DPRX: variants seen among roughly 807,000 people sequenced by gnomAD.
DPRX encodes the protein divergent-paired related homeobox, also known as divergent paired-related homeobox.
A neutral mutation model predicts 8.4 loss-of-function variants in DPRX; 11 were observed. The observed-to-expected ratio is 1.31, with a 90% CI of 0.82 to 2.17. The LOEUF is 2.17. Ranked by LOEUF, DPRX falls within the 30% of genes most tolerant of loss-of-function variation. The pLI is 0.00. For synonymous variants in DPRX, 72 were observed against 87.0 expected (o/e 0.83, Z 0.96); for missense variants, 211 against 236.7 (o/e 0.89, Z 0.71).
the DPRX span, among the ~76,000 whole-genome samples, chr19:53,621,226 G>A: frequency 2.0e-5 from 3 of 151,912 alleles, no homozygotes; most frequent in Non-Finnish European, 2.9e-5. Flanking sequence ...CCAACCCCCC[G>A]GGTTCAAGCA....
chr19:53,629,141 A>G (rs1461836943), upstream of DPRX, among the ~76,000 whole-genome samples: 1 of 151,244 alleles, frequency 6.6e-6, no homozygotes, highest in African/African-American at 2.4e-5. Context: ...TGGTGAAACC[A>G]GGTCTCTACT....
the DPRX span, among the ~76,000 whole-genome samples, chr19:53,609,506 C>T: frequency 6.8e-5 from 9 of 132,924 alleles, no homozygotes; most frequent in Admixed American, 1.5e-4. Context: ...AACAACCAAA[C>T]CAGAAACAAA....
the DPRX span, chr19:53,606,608 G>T: frequency 6.5e-6 from 1 of 152,852 alleles, no homozygotes; most frequent in Non-Finnish European, 1.5e-5. The surrounding 1 kb of genome is among the most constrained non-coding windows in gnomAD (Gnocchi z 4.8). Flanking sequence ...GATGAAGATC[G>T]AGGTCACAGT....
At chr19:53,615,573 GC>G in the DPRX span, among the ~76,000 whole-genome samples, 12 of 152,156 alleles carry the variant, frequency 7.9e-5, no homozygotes, top group Non-Finnish European at 1.5e-4. Context: ...GAGCCACTGT[GC>G]CTGGCCCAGA....
At chr19:53,630,070 G>A (rs956503789), upstream of DPRX, 1 of 151,954 alleles carries the variant, frequency 6.6e-6, no homozygotes, top group Non-Finnish European at 1.5e-5. Context: ...AAAATTAGCT[G>A]GGCATGGTGG....
At chr19:53,605,337 C>A in the DPRX span, among the ~76,000 whole-genome samples, 1 of 151,946 alleles carries the variant, frequency 6.6e-6, no homozygotes, top group African/African-American at 2.4e-5. Context: ...CTCAGCCTCC[C>A]GAGTAGCTGG....
At chr19:53,627,341 C>T (rs1423663617), upstream of DPRX, among the ~76,000 whole-genome samples, 1 of 151,844 alleles carries the variant, frequency 6.6e-6, no homozygotes, top group Non-Finnish European at 1.5e-5. Context: ...TCACTGAGAA[C>T]ACTTAATTAA....
chr19:53,603,245 A>G, the DPRX span: 1 of 438,500 alleles, frequency 2.3e-6, no homozygotes. Context: ...AAGGGCCACC[A>G]CATCTTCACA....
At chr19:53,636,338 C>G (rs1321352433) in intron 2 of DPRX, among the ~76,000 whole-genome samples, 1 of 150,690 alleles carries the variant, frequency 6.6e-6, no homozygotes, top group East Asian at 2.0e-4. Flanking sequence ...TGAACTCCAG[C>G]CTGGGCGACA....
the DPRX span, chr19:53,602,267 GGT>G: frequency 0.078 from 21,466 of 276,088 alleles, 556 homozygotes; most frequent in African/African-American, 0.11. Flanking sequence ...TATGGGTATG[GGT>G]GTGTGTGTGT....
the DPRX span, among the ~76,000 whole-genome samples, chr19:53,614,581 C>A: frequency 6.6e-6 from 1 of 151,956 alleles, no homozygotes; most frequent in Non-Finnish European, 1.5e-5. Flanking sequence ...AAACAGAAGT[C>A]GTTAATTTTA....
At chr19:53,609,254 G>A in the DPRX span, among the ~76,000 whole-genome samples, 1 of 151,164 alleles carries the variant, frequency 6.6e-6, no homozygotes, top group African/African-American at 2.4e-5. Flanking sequence ...GATCCCTTGA[G>A]CTCAGGAGTT....
chr19:53,603,017 G>GTA, the DPRX span, among the ~76,000 whole-genome samples: 2 of 138,962 alleles, frequency 1.4e-5, no homozygotes, highest in African/African-American at 5.2e-5. Flanking sequence ...GTGTGTGTGT[G>GTA]TATATATGTG....
At chr19:53,610,793 C>G in the DPRX span, among the ~76,000 whole-genome samples, 1 of 152,078 alleles carries the variant, frequency 6.6e-6, no homozygotes, top group East Asian at 1.9e-4. Context: ...TATGTGTACC[C>G]GGAGACAATT....
At chr19:53,631,290 C>CTAAA (rs888529109), upstream of DPRX, among the ~76,000 whole-genome samples, 32 of 151,324 alleles carry the variant, frequency 2.1e-4, no homozygotes, top group East Asian at 2.0e-3. Flanking sequence ...GACTCCATCT[C>CTAAA]TAAATAAATA....
At chr19:53,636,338 C>T (rs1321352433) in intron 2 of DPRX, among the ~76,000 whole-genome samples, 1 of 150,690 alleles carries the variant, frequency 6.6e-6, no homozygotes, top group Admixed American at 6.6e-5. Flanking sequence ...TGAACTCCAG[C>T]CTGGGCGACA....
the DPRX span, among the ~76,000 whole-genome samples, chr19:53,614,988 A>C: frequency 1.3e-5 from 2 of 152,030 alleles, no homozygotes; most frequent in African/African-American, 4.8e-5. Context: ...TATACTTTTA[A>C]AAAGATCATT....
the DPRX span, among the ~76,000 whole-genome samples, chr19:53,614,817 G>A: frequency 6.6e-6 from 1 of 151,774 alleles, no homozygotes; most frequent in Non-Finnish European, 1.5e-5. Context: ...TCTAGGATTA[G>A]GTAGGGTTAA....
the DPRX span, among the ~76,000 whole-genome samples, chr19:53,609,396 G>A: frequency 9.9e-4 from 129 of 130,698 alleles, 2 homozygotes; most frequent in African/African-American, 3.6e-3. Flanking sequence ...TGAACCTGAA[G>A]ACTGAGGCTG....
Sources: gnomAD v4.1 joint callset for allele counts (sites outside exome capture counted in the v4.1 genomes callset) on GRCh38, gnomAD v4.1.1 for gene constraint, Gnocchi (gnomAD v3.1) non-coding constraint, MANE v1.5 for transcripts, NCBI Gene and HGNC (gene_info 2026-07-23, HGNC 2026-07-21) for gene names.